Variants in CATSPERE observed in about 807,000 individuals in gnomAD.
CATSPERE encodes the protein cation channel sperm-associated auxiliary subunit epsilon.
A neutral mutation model predicts 114.1 loss-of-function variants in CATSPERE; 93 were observed. That is an observed-to-expected ratio of 0.81 (90% CI 0.69 to 0.97). The LOEUF (loss-of-function observed/expected upper bound fraction) is 0.97. CATSPERE is among the 50% of genes least tolerant of loss of function. The pLI, the probability that CATSPERE is intolerant of heterozygous loss-of-function variation, is 0.00. For synonymous variants in CATSPERE, 341 were observed against 384.1 expected (o/e 0.89, Z 1.31); for missense variants, 1,058 against 1,131.6 (o/e 0.93, Z 0.93).
At chr1:244,483,555 T>C (rs1670578430) in intron 5 of CATSPERE, among the ~76,000 whole-genome samples, 1 of 152,218 alleles carries the variant, frequency 6.6e-6, no homozygotes, top group Non-Finnish European at 1.5e-5. Flanking sequence ...TGTATTTTTC[T>C]TTACATTTTA....
Position 244,573,969 on chromosome 1 carries a change from A to C in CATSPERE, c.1950+1197A>C, listed in dbSNP as rs769676004. On this transcript the variant is annotated intron_variant, in intron 11 of 21. Coordinates refer to ENST00000366534, the MANE Select transcript of CATSPERE (RefSeq NM_001130957.2). The surrounding 1 kb of genome is among the most constrained non-coding windows in gnomAD (Gnocchi z 4.0). ...TTAGCAAGGCAGTTTTAGTTTCTGCAGAAAGGGTGCTCCTCACAGATGGAA... is the reference window on the plus strand; with the variant it reads ...TTAGCAAGGCAGTTTTAGTTTCTGCCGAAAGGGTGCTCCTCACAGATGGAA... 1.2e-4 allele frequency among the ~76,000 whole-genome samples: 18 copies of C among 152,362 alleles called. No individual in the cohort carries two copies. The highest frequency in any genetic ancestry group is 2.4e-4 in the Non-Finnish European group (16 of 68,028).
chr1:244,548,443 AG>A (rs1660100942), intron 8 of CATSPERE, among the ~76,000 whole-genome samples: 1 of 152,326 alleles, frequency 6.6e-6, no homozygotes, highest in South Asian at 2.1e-4. Context: ...ACCTGGTGGC[AG>A]GCTGACTACA....
chr1:244,552,264 T>C lies in CATSPERE; in HGVS notation c.537-58T>C, dbSNP rs1031465537. ...TTTTAAAGATGATAGATATCAACTG[T>C]ACAAGATGGATCAGATGAGAGAGAG... On this transcript the variant is annotated intron_variant, in intron 8 of 21. Coordinates refer to ENST00000366534, the MANE Select transcript of CATSPERE (RefSeq NM_001130957.2). 16 of 1,535,102 alleles carry C rather than the reference T, an allele frequency of 1.0e-5. No homozygotes were observed. The African/African-American group carries it at 2.1e-4, about 20-fold the overall frequency.
intron 8 of CATSPERE, among the ~76,000 whole-genome samples, chr1:244,532,325 T>C (rs1352279936): frequency 1.3e-5 from 2 of 152,124 alleles, no homozygotes; most frequent in Non-Finnish European, 2.9e-5. Context: ...CTCTGATCTT[T>C]GTTATTTCTT....
In CATSPERE at chr1:244,552,432, C is replaced by CT; in HGVS notation, c.651dup (p.Pro218SerfsTer7). 1 of 1,614,156 alleles carries CT rather than the reference C, an allele frequency of 6.2e-7. No homozygotes were observed. The highest frequency in any genetic ancestry group is 8.5e-7 in the Non-Finnish European group (1 of 1,180,022). On this transcript the variant is annotated frameshift_variant, in exon 9 of 22. Transcript: ENST00000366534. LOFTEE classifies it high-confidence loss of function. Reference sequence around the variant, plus strand: ...ATTGCAGATTTTCTTATTCTGTTGACTTTTCCTTTGTTGACCATACCTGAA... The same window carrying CT: ...ATTGCAGATTTTCTTATTCTGTTGACTTTTTCCTTTGTTGACCATACCTGAA...
chr1:244,625,401 ATTATTTATAT>A (rs1672991680), intron 20 of CATSPERE, among the ~76,000 whole-genome samples: 1 of 46,372 alleles, frequency 2.2e-5, no homozygotes, highest in East Asian at 4.7e-4. Context: ...TATTATTATT[ATTATTTATAT>A]ATATATATAT....
intron 10 of CATSPERE, among the ~76,000 whole-genome samples, chr1:244,571,436 A>G (rs1664447571): frequency 6.6e-6 from 1 of 152,208 alleles, no homozygotes; most frequent in Admixed American, 6.5e-5. Context: ...ATCTAGCCCA[A>G]CTGTTCATTT....
rs1054224695 is a variant in CATSPERE at position 244,573,400 on chromosome 1, G to C, written c.1950+628G>C. On this transcript the variant is annotated intron_variant, in intron 11 of 21. Transcript: ENST00000366534. The surrounding 1 kb of genome is among the most constrained non-coding windows in gnomAD (Gnocchi z 4.0). ...CACTCCAGCCTGGGTGACAGAGTGA[G>C]ACTCCCTCTCAAAAAACAAAACAAA... 1.4e-5 allele frequency among the ~76,000 whole-genome samples: 2 copies of C among 138,672 alleles called. No individual in the cohort carries two copies. The highest frequency in any genetic ancestry group is 5.3e-5 in the African/African-American group (2 of 38,086). 91.0% of individuals were successfully genotyped at this position (138,672 alleles called of 152,430 possible).
chr1:244,585,834 T>A (rs1339824363), intron 13 of CATSPERE, among the ~76,000 whole-genome samples: 2 of 152,226 alleles, frequency 1.3e-5, no homozygotes, highest in African/African-American at 4.8e-5. Context: ...TGCATCTCAC[T>A]TTTTAACCAT....
intron 7 of CATSPERE, among the ~76,000 whole-genome samples, chr1:244,506,320 C>T (rs1214195586): frequency 6.6e-6 from 1 of 152,140 alleles, no homozygotes; most frequent in Non-Finnish European, 1.5e-5. Flanking sequence ...GTTGCTTCCA[C>T]CTTTTGGCTT....
chr1:244,635,520 G>A lies in CATSPERE; in HGVS notation c.2680G>A (p.Glu894Lys). 6.2e-7 allele frequency: 1 copy of A among 1,612,936 alleles called. No individual in the cohort carries two copies. Among genetic ancestry groups the A allele is most frequent in the Non-Finnish European group, 8.5e-7 (1 of 1,179,174 alleles). ...FCNLTAMFAIETFGLIPSPSV... is the reference protein window; with the variant it reads ...FCNLTAMFAIKTFGLIPSPSV... Reference sequence around the variant, plus strand: ...TAACCTAACAGCTATGTTTGCAATAGAGACATTTGGACTGATTCCCAGGTA... The same window carrying A: ...TAACCTAACAGCTATGTTTGCAATAAAGACATTTGGACTGATTCCCAGGTA... The change falls in exon 21 of 22, where the codon GAG becomes AAG. Residue 894 changes from glutamate to lysine, a missense_variant. By Grantham distance (56) the Glu-to-Lys change is moderately conservative. This residue lies in a region of CATSPERE where 787 missense variants were observed against 905.6 expected (regional missense o/e 0.87). Coordinates refer to ENST00000366534, the MANE Select transcript of CATSPERE (RefSeq NM_001130957.2).
intron 8 of CATSPERE, among the ~76,000 whole-genome samples, chr1:244,524,185 A>C (rs1441389347): frequency 6.9e-6 from 1 of 145,692 alleles, no homozygotes; most frequent in Non-Finnish European, 1.5e-5. Flanking sequence ...ATAACGCTTC[A>C]TATCTACAAC....
upstream of CATSPERE, among the ~76,000 whole-genome samples, chr1:244,460,537 A>G (rs1666593248): frequency 6.6e-6 from 1 of 152,210 alleles, no homozygotes; most frequent in Admixed American, 6.5e-5. Flanking sequence ...GTGCTCCCCA[A>G]TTGCTTGGGG....
intron 12 of CATSPERE, among the ~76,000 whole-genome samples, chr1:244,583,104 C>G (rs1389759429): frequency 6.6e-6 from 1 of 152,002 alleles, no homozygotes; most frequent in Non-Finnish European, 1.5e-5. Context: ...TCCTAATGGT[C>G]TAGGTTCCTT....
At chr1:244,459,738 A>T (rs1048855998), upstream of CATSPERE, among the ~76,000 whole-genome samples, 2 of 152,186 alleles carry the variant, frequency 1.3e-5, no homozygotes, top group Admixed American at 6.5e-5. Flanking sequence ...TGGGAATTGT[A>T]CTCCTCAAAC....
rs761484543 is a variant in CATSPERE, at chr1:244,583,851, T to C, written c.2010-13T>C. 4 of 1,612,236 alleles carry C rather than the reference T, an allele frequency of 2.5e-6. No individual in the cohort carries two copies. The highest frequency in any genetic ancestry group is 3.4e-6 in the Non-Finnish European group (4 of 1,178,562). On this transcript the variant is annotated splice_polypyrimidine_tract_variant and intron_variant, in intron 12 of 21. Transcript: ENST00000366534. Reference sequence around the variant, plus strand: ...CACATGATACAATAACCTGTACGAATTGTTTCTCCTAGAGACAAGCACACG... The same window carrying C: ...CACATGATACAATAACCTGTACGAACTGTTTCTCCTAGAGACAAGCACACG...
chr1:244,491,877 T>A (rs959529440), intron 6 of CATSPERE, among the ~76,000 whole-genome samples: 29 of 152,090 alleles, frequency 1.9e-4, no homozygotes, highest in African/African-American at 7.0e-4. Flanking sequence ...ACATACACTC[T>A]CCCAAGACTA....
upstream of CATSPERE, among the ~76,000 whole-genome samples, chr1:244,458,523 A>G (rs965330846): frequency 2.6e-5 from 4 of 152,156 alleles, no homozygotes; most frequent in African/African-American, 7.2e-5. Context: ...TGCTATTGGA[A>G]TGGAGGAAAA....
At chr1:244,494,729 T>C (rs952166569) in intron 6 of CATSPERE, among the ~76,000 whole-genome samples, 1 of 152,096 alleles carries the variant, frequency 6.6e-6, no homozygotes, top group African/African-American at 2.4e-5. Flanking sequence ...TTATAATATT[T>C]GGAAATTACA....
Sources: allele counts gnomAD v4.1 joint callset (sites outside exome capture counted in the v4.1 genomes callset), GRCh38; gene constraint gnomAD v4.1.1; regional missense constraint gnomAD v4.1.1; non-coding constraint Gnocchi (gnomAD v3.1); transcripts MANE v1.5; gene names NCBI Gene and HGNC (gene_info 2026-07-23, HGNC 2026-07-21).